PPP1R9A: variants seen among roughly 807,000 people sequenced by gnomAD.
The protein encoded by PPP1R9A is protein phosphatase 1 regulatory subunit 9A.
PPP1R9A carries 59 observed loss-of-function variants against 141.9 expected under a neutral mutation model. That is an observed-to-expected ratio of 0.42 (90% confidence interval 0.34 to 0.52). The LOEUF (loss-of-function observed/expected upper bound fraction) is 0.52. Among genes scored for constraint, PPP1R9A ranks in the 20% least tolerant of loss-of-function variants. The pLI is 0.10. For missense variants in PPP1R9A, 1,444 were observed against 1,611.9 expected, an observed-to-expected ratio of 0.90 and a Z score of 1.78; for synonymous variants, 500 against 569.7, an observed-to-expected ratio of 0.88 and a Z score of 1.74.
chr7:95,113,195 C>T (rs1034147316), intron 3 of PPP1R9A, among the ~76,000 whole-genome samples: 1 of 151,950 alleles, frequency 6.6e-6, no homozygotes, highest in Non-Finnish European at 1.5e-5. Context: ...CTTAAGTTGG[C>T]GATCTAGAAG....
rs372819312 is a variant in PPP1R9A at position 95,188,599 on chromosome 7, TG to T, written c.1755-9749del. On this transcript the variant is annotated intron_variant, in intron 5 of 19. Transcript: ENST00000433360. ...GTGTGTGTGTGTCTGTGTTGTGTTTTGTTTTTTTTTTTTTTTTGAGACAGAA... is the reference window on the plus strand; with the variant it reads ...GTGTGTGTGTGTCTGTGTTGTGTTTTTTTTTTTTTTTTTTTTGAGACAGAA... Among the ~76,000 whole-genome samples, 9 of 114,896 alleles carry T rather than the reference TG, an allele frequency of 7.8e-5. No homozygotes were observed. In the East Asian group the frequency reaches 8.5e-4, roughly 11 times the overall value. 75.4% of individuals were successfully genotyped at this position (114,896 alleles called of 152,430 possible). A position where few individuals can be genotyped will look rare whatever the true frequency, so the allele number is the denominator to read the frequency against.
intron 4 of PPP1R9A, among the ~76,000 whole-genome samples, chr7:95,142,459 C>T (rs1407405029): frequency 2.0e-5 from 3 of 151,928 alleles, no homozygotes; most frequent in African/African-American, 7.2e-5. Context: ...CGTTCATCTT[C>T]CTCTAAGAGT....
At chr7:95,115,309 A>C (rs1253512869) in intron 3 of PPP1R9A, among the ~76,000 whole-genome samples, 1 of 152,192 alleles carries the variant, frequency 6.6e-6, no homozygotes, top group Non-Finnish European at 1.5e-5. Context: ...TGTCCTAACA[A>C]AATTTGAATT....
rs567992019 is a variant in PPP1R9A at position 95,103,167 on chromosome 7, A to G, written c.1396-8092A>G. ...GCAGATTTTGGATTTGCTAGTCCCT[A>G]CTGTCATATGAGACAATTCCTTAAA... On this transcript the variant is annotated intron_variant, in intron 2 of 19. Transcript: ENST00000433360. Among the ~76,000 whole-genome samples the G allele has an allele frequency of 2.4e-4, 37 of 152,130 alleles. 2 individuals carry two copies. In the South Asian group the frequency reaches 7.1e-3, roughly 29 times the overall value.
chr7:95,056,874 A>G (rs1811566162), intron 2 of PPP1R9A, among the ~76,000 whole-genome samples: 1 of 152,156 alleles, frequency 6.6e-6, no homozygotes. Context: ...TTTGGACATT[A>G]ATTATGTCAT....
chr7:95,274,498 C>T (rs1247372447), intron 16 of PPP1R9A, among the ~76,000 whole-genome samples: 1 of 152,090 alleles, frequency 6.6e-6, no homozygotes, highest in Non-Finnish European at 1.5e-5. Context: ...AGATTTTTTG[C>T]CTGGCTACCC....
intron 4 of PPP1R9A, among the ~76,000 whole-genome samples, chr7:95,133,513 T>TTTTA (rs1438772952): frequency 3.8e-5 from 5 of 132,686 alleles, no homozygotes; most frequent in East Asian, 2.1e-4. Context: ...TGCAGTCGTA[T>TTTTA]TATATATATA....
intron 2 of PPP1R9A, among the ~76,000 whole-genome samples, chr7:95,110,481 T>C (rs752932247): frequency 1.1e-4 from 17 of 152,196 alleles, no homozygotes; most frequent in Non-Finnish European, 2.2e-4. Context: ...TATACATTTA[T>C]TTCTTTCATA....
chr7:95,037,576 T>C (rs1442356228), intron 2 of PPP1R9A, among the ~76,000 whole-genome samples: 1 of 152,202 alleles, frequency 6.6e-6, no homozygotes, highest in African/African-American at 2.4e-5. Flanking sequence ...AATACCAGGT[T>C]TGCACTATTG....
At chr7:95,023,642 C>T (rs1056247279) in intron 2 of PPP1R9A, among the ~76,000 whole-genome samples, 4 of 152,088 alleles carry the variant, frequency 2.6e-5, no homozygotes, top group Non-Finnish European at 1.5e-5. Flanking sequence ...CAAGCTCTGC[C>T]TCCTGGTTTC....
intron 12 of PPP1R9A, among the ~76,000 whole-genome samples, chr7:95,257,763 G>A (rs576575076): frequency 7.2e-5 from 11 of 152,086 alleles, no homozygotes; most frequent in Admixed American, 5.2e-4. Context: ...GAGAACATGC[G>A]GTGTTTGGTT....
intron 7 of PPP1R9A, among the ~76,000 whole-genome samples, chr7:95,217,131 A>G (rs938779956): frequency 2.6e-5 from 4 of 152,160 alleles, no homozygotes; most frequent in African/African-American, 9.7e-5. Context: ...TATTATTTTG[A>G]GATATGTCCC....
chr7:94,945,930 CAGA>C (rs1188645746), intron 2 of PPP1R9A, among the ~76,000 whole-genome samples: 1 of 151,844 alleles, frequency 6.6e-6, no homozygotes, highest in African/African-American at 2.4e-5. Context: ...GTTTCATCTT[CAGA>C]TAACTAATAT....
chr7:94,962,915 A>G (rs1797793950), intron 2 of PPP1R9A, among the ~76,000 whole-genome samples: 1 of 152,146 alleles, frequency 6.6e-6, no homozygotes. Flanking sequence ...ATAACAGGAT[A>G]ATTCACAGTA....
At chr7:95,104,096 C>T (rs1819185702) in intron 2 of PPP1R9A, among the ~76,000 whole-genome samples, 1 of 152,150 alleles carries the variant, frequency 6.6e-6, no homozygotes, top group African/African-American at 2.4e-5. Context: ...GTTAAGTATG[C>T]TACAAATAAT....
chr7:94,998,363 G>A (rs953223295), intron 2 of PPP1R9A, among the ~76,000 whole-genome samples: 1 of 152,136 alleles, frequency 6.6e-6, no homozygotes, highest in Admixed American at 6.5e-5. Flanking sequence ...TTTTACAGGA[G>A]GAAACTAACT....
At chr7:95,057,672 G>C (rs1408987811) in intron 2 of PPP1R9A, among the ~76,000 whole-genome samples, 1 of 152,076 alleles carries the variant, frequency 6.6e-6, no homozygotes, top group Non-Finnish European at 1.5e-5. Context: ...ATTCCTCTCA[G>C]ATCTCATTTG....
chr7:94,940,493 A>C (rs1287611703), intron 2 of PPP1R9A, among the ~76,000 whole-genome samples: 1 of 152,090 alleles, frequency 6.6e-6, no homozygotes, highest in Non-Finnish European at 1.5e-5. Context: ...CTGTGAGCCA[A>C]AGATGATGCT....
chr7:95,210,470 ATT>A (rs941877242), intron 7 of PPP1R9A, among the ~76,000 whole-genome samples: 1 of 148,958 alleles, frequency 6.7e-6, no homozygotes. Context: ...GTTCAAAAAA[ATT>A]TTTTTTTTTT....
Sources: allele counts gnomAD v4.1 joint callset (sites outside exome capture counted in the v4.1 genomes callset), GRCh38; gene constraint gnomAD v4.1.1; transcripts MANE v1.5; gene names NCBI Gene and HGNC (gene_info 2026-07-23, HGNC 2026-07-21).